Variants in PKNOX1 observed in about 807,000 individuals in gnomAD.
PKNOX1 encodes PBX/knotted 1 homeobox 1, also known as homeobox protein PKNOX1.
Under a neutral mutation model 51.9 loss-of-function variants are expected in PKNOX1, and 15 were observed. That is an observed-to-expected ratio of 0.29 (90% CI 0.19 to 0.45). The LOEUF is 0.45. Ranked by LOEUF, PKNOX1 falls within the 20% of genes least tolerant of loss-of-function variation. The probability of loss-of-function intolerance (pLI) is 1.00; values close to 1 mark genes in which losing one functional copy is unlikely to be tolerated. For synonymous variants in PKNOX1, 219 were observed against 211.1 expected (o/e 1.04, Z -0.32); for missense variants, 462 against 547.5 (o/e 0.84, Z 1.56).
intron 5 of PKNOX1, 74 bp from the exon 6 acceptor site, chr21:43,016,834 A>G (rs1265660055): frequency 1.1e-6 from 1 of 900,240 alleles, no homozygotes; most frequent in Non-Finnish European, 1.7e-6. Flanking sequence ...TCATTATGCT[A>G]CTTATGTTAA....
chr21:43,021,273 C>A lies in PKNOX1; in HGVS notation c.721-30C>A. 6.4e-7 allele frequency: 1 copy of A among 1,560,478 alleles called. No homozygotes were observed. The highest frequency in any genetic ancestry group is 2.3e-5 in the East Asian group (1 of 44,014). On this transcript the variant is annotated intron_variant, in intron 7 of 10. Coordinates refer to ENST00000291547, the MANE Select transcript of PKNOX1 (RefSeq NM_004571.5). The surrounding 1 kb of genome is among the most constrained non-coding windows in gnomAD (Gnocchi z 4.6). ...CTTGGATATGTGAGAATTTCCTATG[C>A]TTTCTAATGTTATTTTTCAACTTTA... is the stretch of plus-strand genomic sequence containing the variant.
rs1473049251 is a variant in PKNOX1, at chr21:43,004,427, C to G, written c.46C>G (p.Gln16Glu). 2 of 1,602,420 alleles carry G rather than the reference C, an allele frequency of 1.2e-6. No homozygotes were observed. The highest frequency in any genetic ancestry group is 8.6e-7 in the Non-Finnish European group (1 of 1,169,458). ...AAGTATAGACAGCTATCAAGATGGGCAACAGGTGAGCTTGAACTTGATTCT... is the reference window on the plus strand; with the variant it reads ...AAGTATAGACAGCTATCAAGATGGGGAACAGGTGAGCTTGAACTTGATTCT... Reference protein sequence around the residue: ...TLSIDSYQDGQQMQVVTELKT... With the variant: ...TLSIDSYQDGEQMQVVTELKT... Residue 16 changes from glutamine (Q) to glutamate (E), a missense_variant, in exon 2 of 11, where the codon CAA becomes GAA. By Grantham distance (29) the Gln-to-Glu change is conservative. Transcript: ENST00000291547.
chr21:43,018,382 G>T, intron 7 of PKNOX1, 152 bp downstream of exon 7: 3 of 548,956 alleles, frequency 5.5e-6, no homozygotes, highest in African/African-American at 1.9e-5. Flanking sequence ...TTGTTTCTTT[G>T]TACTCTTATC....
At chr21:42,979,232 C>A (rs1291993786) in intron 1 of PKNOX1, among the ~76,000 whole-genome samples, 1 of 152,178 alleles carries the variant, frequency 6.6e-6, no homozygotes, top group Non-Finnish European at 1.5e-5. Flanking sequence ...CATCAAAGAT[C>A]ACTGATCACA....
intron 3 of PKNOX1, chr21:43,007,836 G>T (rs1979064815): frequency 6.9e-6 from 3 of 432,908 alleles, no homozygotes; most frequent in Admixed American, 3.9e-5. Flanking sequence ...GGCTGAGGCG[G>T]GCGGATCACT....
chr21:43,028,295 C>A (rs1258474920), intron 9 of PKNOX1, among the ~76,000 whole-genome samples: 1 of 152,152 alleles, frequency 6.6e-6, no homozygotes. Flanking sequence ...GTGCAGACTG[C>A]CCGATCGTCT....
intron 1 of PKNOX1, among the ~76,000 whole-genome samples, chr21:42,986,533 G>A (rs753084711): frequency 1.5e-4 from 23 of 152,112 alleles, no homozygotes; most frequent in Non-Finnish European, 2.5e-4. Context: ...CTTGACAAAT[G>A]TTTTCCTCAG....
At chr21:43,019,345 C>T (rs1198885615) in intron 7 of PKNOX1, among the ~76,000 whole-genome samples, 11 of 149,644 alleles carry the variant, frequency 7.4e-5, no homozygotes, top group South Asian at 6.4e-4. Flanking sequence ...GAGCCGAGAT[C>T]GTGCCACAGC....
chr21:42,995,045 C>T (rs1214311667), intron 1 of PKNOX1, among the ~76,000 whole-genome samples: 2 of 151,776 alleles, frequency 1.3e-5, no homozygotes, highest in African/African-American at 4.8e-5. Context: ...CTTCAGCCTC[C>T]CCAGTAGCTG....
Position 43,007,406 on chromosome 21 carries a change from C to T in PKNOX1, c.52-85C>T, listed in dbSNP as rs1979035088. 7.9e-6 allele frequency: 10 copies of T among 1,271,802 alleles called. No individual in the cohort carries two copies. In the South Asian group the frequency reaches 1.1e-4, roughly 14 times the overall value. 78.8% of individuals were successfully genotyped at this position (1,271,802 alleles called of 1,614,324 possible). ...GTCATACTGCTGTCTGGCAATTCCCCACTCCAACTGCATTCCTGTTGGAGC... is the reference window on the plus strand; with the variant it reads ...GTCATACTGCTGTCTGGCAATTCCCTACTCCAACTGCATTCCTGTTGGAGC... On this transcript the variant is annotated intron_variant, in intron 2 of 10. Coordinates refer to ENST00000291547, the MANE Select transcript of PKNOX1 (RefSeq NM_004571.5).
Position 43,009,401 on chromosome 21 carries a change from C to T in PKNOX1, c.180-652C>T, listed in dbSNP as rs1412050848. The stretch of plus-strand genomic sequence containing the variant: ...CGGAGGTTGTGGTGAACCGAGATCA[C>T]GCCATTGCACTCCAGCCTGGGCAAC... On this transcript the variant is annotated intron_variant, in intron 3 of 10. Coordinates refer to ENST00000291547, the MANE Select transcript of PKNOX1 (RefSeq NM_004571.5). Among the ~76,000 whole-genome samples the T allele has an allele frequency of 2.6e-5, 4 of 151,936 alleles. 1 individual carries two copies. Among genetic ancestry groups the T allele is most frequent in the African/African-American group, 2.4e-5 (1 of 41,436 alleles).
In PKNOX1 at chr21:43,028,967, A is replaced by AG. The variant is rs201312366; in HGVS notation, c.1099+95dup. On this transcript the variant is annotated intron_variant, in intron 10 of 10. Transcript: ENST00000291547. ...ATCAGGCCTGTTAGCTGTGAGCCTC[A>AG]GGTAATGTGGTGAACGAGAGTGCGT... 7.4e-4 allele frequency: 991 copies of AG among 1,335,100 alleles called. 9 individuals carry two copies. In the East Asian group the frequency reaches 0.019, roughly 26 times the overall value. 82.7% of individuals were successfully genotyped at this position (1,335,100 alleles called of 1,614,324 possible). A position where few individuals can be genotyped will look rare whatever the true frequency, so the allele number is the denominator to read the frequency against.
intron 1 of PKNOX1, among the ~76,000 whole-genome samples, chr21:43,001,224 G>A (rs28653186): frequency 1.6e-4 from 25 of 152,354 alleles, no homozygotes; most frequent in African/African-American, 6.0e-4. Context: ...TTTCATGGGT[G>A]GCCGTTATCC....
chr21:43,008,742 G>A (rs1979109438), intron 3 of PKNOX1, among the ~76,000 whole-genome samples: 1 of 151,770 alleles, frequency 6.6e-6, no homozygotes, highest in Non-Finnish European at 1.5e-5. Context: ...TCATGCCACT[G>A]TACTCCAGTC....
chr21:43,030,902 A>G lies in PKNOX1; in HGVS notation c.*801A>G, dbSNP rs1356535696. ...GGTAGTGATGAACATTTACTACTAT[A>G]AAAGAAACAGCTATTTAATGAAATT... On this transcript the variant is annotated 3_prime_UTR_variant, in exon 11 of 11. Coordinates refer to ENST00000291547, the MANE Select transcript of PKNOX1 (RefSeq NM_004571.5). The G allele has an allele frequency of 6.6e-6, 1 of 152,236 alleles. No homozygotes were observed. The highest frequency in any genetic ancestry group is 1.9e-4 in the East Asian group (1 of 5,202). 9.4% of individuals were successfully genotyped at this position (152,236 alleles called of 1,614,324 possible).
At chr21:43,027,348 T>G (rs903627614) in intron 9 of PKNOX1, among the ~76,000 whole-genome samples, 30 of 152,212 alleles carry the variant, frequency 2.0e-4, no homozygotes, top group Non-Finnish European at 3.4e-4. Context: ...TCCGTTTCTT[T>G]CCATTTCAGC....
intron 1 of PKNOX1, among the ~76,000 whole-genome samples, chr21:42,995,221 C>A (rs572510007): frequency 1.3e-5 from 2 of 152,078 alleles, no homozygotes; most frequent in African/African-American, 2.4e-5. Context: ...CACACCTGGC[C>A]GTTTACTTTT....
intron 4 of PKNOX1, 114 bp from the exon 5 acceptor site, chr21:43,012,954 G>C: frequency 1.3e-6 from 1 of 781,796 alleles, no homozygotes; most frequent in Non-Finnish European, 2.1e-6. Context: ...TTCCACTTTG[G>C]TTATTGGCAG....
chr21:43,006,424 C>T (rs2033198603), intron 2 of PKNOX1, among the ~76,000 whole-genome samples: 1 of 152,178 alleles, frequency 6.6e-6, no homozygotes, highest in Non-Finnish European at 1.5e-5. Flanking sequence ...CTGTGCCTGG[C>T]CTTTTTAAGG....
Sources: gnomAD v4.1 joint callset for allele counts (sites outside exome capture counted in the v4.1 genomes callset) on GRCh38, gnomAD v4.1.1 for gene constraint, Gnocchi (gnomAD v3.1) non-coding constraint, MANE v1.5 for transcripts, NCBI Gene and HGNC (gene_info 2026-07-23, HGNC 2026-07-21) for gene names.